DCLK1: variants seen among roughly 807,000 people sequenced by gnomAD.
DCLK1 encodes serine/threonine-protein kinase DCLK1.
Under a neutral mutation model 86.2 loss-of-function variants are expected in DCLK1, and 16 were observed. That is an observed-to-expected ratio of 0.19 (90% confidence interval 0.13 to 0.28). The LOEUF (loss-of-function observed/expected upper bound fraction) is 0.28. Among genes scored for constraint, DCLK1 ranks in the 10% least tolerant of loss-of-function variants. The pLI, the probability that DCLK1 is intolerant of heterozygous loss-of-function variation, is 1.00. For synonymous variants in DCLK1, 369 were observed against 370.5 expected (o/e 1.00, Z 0.05); for missense variants, 590 against 940.2 (o/e 0.63, Z 4.87).
At chr13:35,873,059 T>C (rs1267455241) in intron 4 of DCLK1, among the ~76,000 whole-genome samples, 1 of 152,072 alleles carries the variant, frequency 6.6e-6, no homozygotes, top group Admixed American at 6.6e-5. Context: ...TATTCTAATT[T>C]CTTCTTTATA....
At chr13:35,908,871 A>C (rs1192896154) in intron 4 of DCLK1, among the ~76,000 whole-genome samples, 1 of 152,130 alleles carries the variant, frequency 6.6e-6, no homozygotes, top group Non-Finnish European at 1.5e-5. Flanking sequence ...CCTGACCTCA[A>C]GTGATCCACC....
At chr13:35,789,857 A>C (rs2086682640) in intron 16 of DCLK1, among the ~76,000 whole-genome samples, 1 of 152,110 alleles carries the variant, frequency 6.6e-6, no homozygotes, top group Non-Finnish European at 1.5e-5. Context: ...ATTGCATTTT[A>C]ATAACCTTTT....
intron 3 of DCLK1, among the ~76,000 whole-genome samples, chr13:36,029,847 AG>A (rs1882199368): frequency 6.6e-6 from 1 of 152,204 alleles, no homozygotes; most frequent in Non-Finnish European, 1.5e-5. Context: ...TTGGATTTGA[AG>A]GTCTCTTCCA....
At chr13:35,899,001 A>G (rs2153121646) in intron 4 of DCLK1, among the ~76,000 whole-genome samples, 1 of 152,210 alleles carries the variant, frequency 6.6e-6, no homozygotes, top group East Asian at 1.9e-4. Context: ...TCAGCCTCCC[A>G]AAGTGCTGGA....
At chr13:36,031,886 C>T (rs1379811616) in intron 3 of DCLK1, among the ~76,000 whole-genome samples, 1 of 152,154 alleles carries the variant, frequency 6.6e-6, no homozygotes, top group Non-Finnish European at 1.5e-5. Flanking sequence ...CCTGCTAGGC[C>T]CCACCTGATA....
intron 5 of DCLK1, among the ~76,000 whole-genome samples, chr13:35,861,337 A>G (rs1361110656): frequency 6.6e-6 from 1 of 152,226 alleles, no homozygotes; most frequent in African/African-American, 2.4e-5. Context: ...CTGGGATCCA[A>G]GAACAGGCTA....
In DCLK1 at chr13:35,967,156, A is replaced by G. The variant is rs562745477; in HGVS notation, c.724-19699T>C. 4.2e-3 allele frequency among the ~76,000 whole-genome samples: 620 copies of G among 146,736 alleles called. 2 individuals are homozygous for G. Among genetic ancestry groups the G allele is most frequent in the Admixed American group, 6.0e-3 (88 of 14,768 alleles). ...TGAAGAGCGCCTCTGCCCGGCCGCCACCCCGACTGGGAGGTGAGGAGCGTC... is the reference window on the plus strand; with the variant it reads ...TGAAGAGCGCCTCTGCCCGGCCGCCGCCCCGACTGGGAGGTGAGGAGCGTC... On this transcript the variant is annotated intron_variant, in intron 3 of 16. Coordinates refer to ENST00000360631, the MANE Select transcript of DCLK1 (RefSeq NM_001330071.2).
chr13:36,100,343 T>C (rs1885173966), intron 3 of DCLK1, among the ~76,000 whole-genome samples: 1 of 152,064 alleles, frequency 6.6e-6, no homozygotes, highest in South Asian at 2.1e-4. Flanking sequence ...CACACCACTG[T>C]ACTCTAGCCT....
chr13:36,047,190 G>C (rs530887154), intron 3 of DCLK1, among the ~76,000 whole-genome samples: 1 of 152,310 alleles, frequency 6.6e-6, no homozygotes, highest in Non-Finnish European at 1.5e-5. Flanking sequence ...AAGATTTGGC[G>C]AGGATGTGGA....
chr13:35,992,114 A>T (rs1880258729), intron 3 of DCLK1, among the ~76,000 whole-genome samples: 1 of 152,180 alleles, frequency 6.6e-6, no homozygotes, highest in Non-Finnish European at 1.5e-5. Flanking sequence ...TCTATAATGA[A>T]ATCATAGATT....
rs139275926 is a variant in DCLK1 at position 35,798,736 on chromosome 13, A to G, written c.1945-5257T>C. Among the ~76,000 whole-genome samples the G allele has an allele frequency of 1.5e-3, 229 of 152,358 alleles. 3 individuals are homozygous for G. Among genetic ancestry groups the G allele is most frequent in the South Asian group, 8.5e-3 (41 of 4,824 alleles). ...CATCGTTTAAAATTTGTGAATATCA[A>G]TAAGTGGTTTTATATATTATTGCAG... On this transcript the variant is annotated intron_variant, in intron 15 of 16. Coordinates refer to ENST00000360631, the MANE Select transcript of DCLK1 (RefSeq NM_001330071.2).
intron 5 of DCLK1, among the ~76,000 whole-genome samples, chr13:35,856,699 T>C (rs1005773291): frequency 6.6e-6 from 1 of 152,246 alleles, no homozygotes; most frequent in Non-Finnish European, 1.5e-5. Flanking sequence ...TATGTGTATT[T>C]TTAAGGCATT....
chr13:36,095,126 C>CA (rs1183278401), intron 3 of DCLK1, among the ~76,000 whole-genome samples: 1 of 151,072 alleles, frequency 6.6e-6, no homozygotes, highest in African/African-American at 2.4e-5. Flanking sequence ...TGAATGAACA[C>CA]AGGTGGCAGA....
chr13:35,799,369 A>C (rs1010668725), intron 15 of DCLK1, among the ~76,000 whole-genome samples: 1 of 152,136 alleles, frequency 6.6e-6, no homozygotes, highest in African/African-American at 2.4e-5. Context: ...CTCCTGCCTC[A>C]GCCTCCCAAG....
chr13:35,903,490 A>C (rs567981584), intron 4 of DCLK1, among the ~76,000 whole-genome samples: 5 of 152,058 alleles, frequency 3.3e-5, no homozygotes, highest in Non-Finnish European at 7.4e-5. Flanking sequence ...CTACTTTATA[A>C]ATGTCTTGAT....
At chr13:36,092,937 ATT>A (rs1362629595) in intron 3 of DCLK1, among the ~76,000 whole-genome samples, 1 of 151,520 alleles carries the variant, frequency 6.6e-6, no homozygotes. Flanking sequence ...TATAATCTGA[ATT>A]TTAGAAGCTT....
At chr13:35,819,060 C>T (rs575445282) in intron 11 of DCLK1, among the ~76,000 whole-genome samples, 1 of 152,246 alleles carries the variant, frequency 6.6e-6, no homozygotes, top group East Asian at 1.9e-4. Context: ...CACTCATTCA[C>T]TCACTCACTC....
intron 5 of DCLK1, among the ~76,000 whole-genome samples, chr13:35,870,885 G>C (rs1295546422): frequency 2.6e-5 from 4 of 152,196 alleles, no homozygotes; most frequent in Non-Finnish European, 5.9e-5. Flanking sequence ...CTCTTCATAG[G>C]CCAGTCTCAG....
At chr13:35,839,315 G>A (rs1442742770) in intron 6 of DCLK1, 139 bp from the exon 7 acceptor site, 18 of 649,176 alleles carry the variant, frequency 2.8e-5, no homozygotes, top group Admixed American at 1.4e-4. Context: ...GGAAAAAGAC[G>A]CCTTCAGCAT....
Sources: gnomAD v4.1 joint callset for allele counts (sites outside exome capture counted in the v4.1 genomes callset) on GRCh38, gnomAD v4.1.1 for gene constraint, MANE v1.5 for transcripts, NCBI Gene and HGNC (gene_info 2026-07-23, HGNC 2026-07-21) for gene names.